Variants in PAK4 observed in about 807,000 individuals in gnomAD.
PAK4 encodes the protein serine/threonine-protein kinase PAK 4.
PAK4 carries 49 observed loss-of-function variants against 53.5 expected under a neutral mutation model. The observed-to-expected ratio is 0.92, with a 90% CI of 0.73 to 1.16. The LOEUF is 1.16. PAK4 is among the 50% of genes most tolerant of loss of function. PAK4 has a pLI of 0.00. For synonymous variants in PAK4, 376 were observed against 375.6 expected (o/e 1.00, Z -0.01); for missense variants, 824 against 850.7 (o/e 0.97, Z 0.39).
At chr19:39,158,790 C>A (rs2074236872) in intron 1 of PAK4, among the ~76,000 whole-genome samples, 1 of 152,136 alleles carries the variant, frequency 6.6e-6, no homozygotes, top group South Asian at 2.1e-4. Flanking sequence ...GTCTCCCAGT[C>A]CAGTGGGAGA....
chr19:39,163,943 G>A (rs1482096772), intron 1 of PAK4, among the ~76,000 whole-genome samples: 1 of 152,204 alleles, frequency 6.6e-6, no homozygotes, highest in Admixed American at 6.5e-5. Flanking sequence ...TCCCTGCCCT[G>A]TGAAGCTGAC....
chr19:39,135,484 T>C (rs1487319335), intron 1 of PAK4, among the ~76,000 whole-genome samples: 1 of 151,802 alleles, frequency 6.6e-6, no homozygotes, highest in Non-Finnish European at 1.5e-5. Context: ...TACAGGCATG[T>C]GCCACCACGC....
intron 6 of PAK4, among the ~76,000 whole-genome samples, chr19:39,176,001 C>T (rs761001706): frequency 6.6e-6 from 1 of 152,194 alleles, no homozygotes; most frequent in African/African-American, 2.4e-5. Context: ...CTGAAAATCT[C>T]CAGATGTCTA....
intron 1 of PAK4, among the ~76,000 whole-genome samples, chr19:39,163,515 G>A (rs2074318761): frequency 6.6e-6 from 1 of 152,056 alleles, no homozygotes; most frequent in African/African-American, 2.4e-5. Context: ...GAATGGGGGT[G>A]GTGGGACCCT....
intron 1 of PAK4, among the ~76,000 whole-genome samples, chr19:39,153,992 C>T (rs779748918): frequency 6.6e-5 from 10 of 152,102 alleles, no homozygotes; most frequent in Non-Finnish European, 1.2e-4. Flanking sequence ...CCTTAAAGTC[C>T]GAGGATGGAG....
At chr19:39,167,054 A>G (rs1282318612) in intron 1 of PAK4, among the ~76,000 whole-genome samples, 2 of 152,198 alleles carry the variant, frequency 1.3e-5, no homozygotes, top group Non-Finnish European at 2.9e-5. Context: ...CCCAGACCCC[A>G]TGCTGCCAGC....
intron 1 of PAK4, among the ~76,000 whole-genome samples, chr19:39,145,068 A>C (rs1443738263): frequency 6.6e-6 from 1 of 152,004 alleles, no homozygotes; most frequent in Non-Finnish European, 1.5e-5. Flanking sequence ...TGCCCTTCCC[A>C]GTGCTAACAA....
intron 1 of PAK4, among the ~76,000 whole-genome samples, chr19:39,133,867 CTGCGTGGGG>C (rs1453343973): frequency 6.6e-6 from 1 of 152,236 alleles, no homozygotes; most frequent in African/African-American, 2.4e-5. Context: ...TCTTCCTGGG[CTGCGTGGGG>C]TGCCAGCCCC....
intron 1 of PAK4, among the ~76,000 whole-genome samples, chr19:39,143,785 A>C (rs73551709): frequency 0.021 from 3,194 of 151,692 alleles, 117 homozygotes; most frequent in African/African-American, 0.074. Flanking sequence ...ACATTTTTAA[A>C]ATTATTGTTT....
In PAK4 at chr19:39,173,962, G is replaced by C; in HGVS notation, c.1050G>C (p.Lys350Asn). 6.2e-7 allele frequency: 1 copy of C among 1,610,124 alleles called. No homozygotes were observed. Among genetic ancestry groups the C allele is most frequent in the Non-Finnish European group, 8.5e-7 (1 of 1,179,244 alleles). ...GCTCGGGCAAGCTGGTGGCCGTCAA[G>C]AAGATGGACCTGCGCAAGCAGCAGA... Residue 350 changes from lysine to asparagine, a missense_variant, in exon 4 of 9, where the codon AAG (lysine) becomes AAC (asparagine). By Grantham distance (94) the Lys-to-Asn change is moderately conservative. Around this residue, in one of 2 missense-constraint regions of PAK4, gnomAD observed 346 missense variants for 415.0 expected, o/e 0.83. Transcript: ENST00000358301. The surrounding 1 kb of genome is among the most constrained non-coding windows in gnomAD (Gnocchi z 6.9).
intron 1 of PAK4, among the ~76,000 whole-genome samples, chr19:39,165,556 T>TAAATAAATAAATAAATAAATAA (rs761595959): frequency 6.5e-5 from 8 of 124,002 alleles, no homozygotes; most frequent in East Asian, 2.8e-4. Flanking sequence ...ATAAATAAAA[T>TAAATAAATAAATAAATAAATAA]AATAATAGAC....
intron 1 of PAK4, among the ~76,000 whole-genome samples, chr19:39,151,149 G>C (rs1055676373): frequency 3.3e-5 from 5 of 152,218 alleles, no homozygotes; most frequent in Admixed American, 1.3e-4. Context: ...TTTTTAGCAG[G>C]AGAGGATACA....
downstream of PAK4, chr19:39,182,188 TC>T (rs920135529): frequency 1.3e-5 from 2 of 152,176 alleles, no homozygotes; most frequent in African/African-American, 4.8e-5. Flanking sequence ...CACCTGCCTC[TC>T]CCATGTCGTA....
At position 39,178,809 on chromosome 19, in the gene PAK4, A is replaced by C; in HGVS notation, c.*230A>C. ...AGCAAGCGAGGCTCCCAGGACCCCC[A>C]CCCTCTGGGACAGGCCCTCCCCCAT... On this transcript the variant is annotated 3_prime_UTR_variant, in exon 9 of 9. Coordinates refer to ENST00000358301, the Ensembl canonical transcript of PAK4. This position sits in a 1 kb window ranked among gnomAD's most constrained non-coding sequence, Gnocchi z 4.4. 2.1e-6 allele frequency: 1 copy of C among 471,266 alleles called. No homozygotes were observed. Among genetic ancestry groups the C allele is most frequent in the Non-Finnish European group, 3.8e-6 (1 of 266,244 alleles). 29.2% of individuals were successfully genotyped at this position (471,266 alleles called of 1,614,324 possible). A position where few individuals can be genotyped will look rare whatever the true frequency, so the allele number is the denominator to read the frequency against.
Position 39,175,291 on chromosome 19 carries a change from A to AC in PAK4, c.1233-15dup, listed in dbSNP as rs1291886791. 3.2e-6 allele frequency: 5 copies of AC among 1,554,436 alleles called. No individual in the cohort carries two copies. In the South Asian group the frequency reaches 3.5e-5, roughly 11 times the overall value. On this transcript the variant is annotated intron_variant, in intron 5 of 8. Coordinates refer to ENST00000358301, the Ensembl canonical transcript of PAK4. This position sits in a 1 kb window ranked among gnomAD's most constrained non-coding sequence, Gnocchi z 4.7. ...CGGGGTGCTGTCCAGCTGGCTGCTC[A>AC]CCCCCCACCCCACCCCGCAGGATGA...
chr19:39,172,192 G>T (rs1485276732), intron 2 of PAK4, among the ~76,000 whole-genome samples: 1 of 151,612 alleles, frequency 6.6e-6, no homozygotes, highest in Admixed American at 6.6e-5. Context: ...CCAGGCAGAG[G>T]GAGCCGCCAG....
At chr19:39,177,157 G>A (rs770243708) in intron 7 of PAK4, among the ~76,000 whole-genome samples, 6 of 152,192 alleles carry the variant, frequency 3.9e-5, no homozygotes, top group Non-Finnish European at 8.8e-5. Flanking sequence ...GTGAGCCACC[G>A]CGCCCAGCCT....
At chr19:39,127,714 A>G (rs1372913241) in intron 1 of PAK4, among the ~76,000 whole-genome samples, 1 of 152,148 alleles carries the variant, frequency 6.6e-6, no homozygotes, top group Non-Finnish European at 1.5e-5. Context: ...AGCCAGTGAC[A>G]CAAGACTGCG....
At chr19:39,137,831 T>G (rs1300199454) in intron 1 of PAK4, among the ~76,000 whole-genome samples, 1 of 152,022 alleles carries the variant, frequency 6.6e-6, no homozygotes, top group Non-Finnish European at 1.5e-5. Context: ...CATGCCTGGC[T>G]AATTTTTTGT....
Sources: gnomAD v4.1 joint callset for allele counts (sites outside exome capture counted in the v4.1 genomes callset) on GRCh38, gnomAD v4.1.1 for gene constraint, gnomAD v4.1.1 regional missense constraint, Gnocchi (gnomAD v3.1) non-coding constraint, MANE v1.5 for transcripts, NCBI Gene and HGNC (gene_info 2026-07-23, HGNC 2026-07-21) for gene names.